Variants in CDH13 observed in about 807,000 individuals in gnomAD.
The protein encoded by CDH13 is cadherin-13.
A neutral mutation model predicts 63.8 loss-of-function variants in CDH13; 24 were observed. The observed-to-expected ratio is 0.38, with a 90% CI of 0.27 to 0.53. The LOEUF (loss-of-function observed/expected upper bound fraction) is 0.53. Ranked by LOEUF, CDH13 falls within the 20% of genes least tolerant of loss-of-function variation. CDH13 has a pLI of 0.85. For missense variants in CDH13, 1,049 were observed against 903.1 expected (o/e 1.16, Z -2.07); for synonymous variants, 503 against 355.3 (o/e 1.42, Z -4.67).
At chr16:82,876,063 A>G (rs2040493132) in intron 2 of CDH13, among the ~76,000 whole-genome samples, 1 of 152,238 alleles carries the variant, frequency 6.6e-6, no homozygotes. Flanking sequence ...CATGAGACTC[A>G]TTCACTATCA....
At chr16:83,631,312 G>T (rs753567839) in intron 8 of CDH13, among the ~76,000 whole-genome samples, 1 of 152,010 alleles carries the variant, frequency 6.6e-6, no homozygotes, top group Non-Finnish European at 1.5e-5. Context: ...GTCCATAAAT[G>T]CTTCTTGGGT....
chr16:82,657,904 G>C (rs1019281701), intron 1 of CDH13, among the ~76,000 whole-genome samples: 6 of 152,040 alleles, frequency 3.9e-5, no homozygotes, highest in African/African-American at 1.4e-4. Flanking sequence ...CTATACCTTT[G>C]TTTTCTTTTC....
intron 4 of CDH13, among the ~76,000 whole-genome samples, chr16:83,129,247 A>C (rs16959300): frequency 0.048 from 7,316 of 152,194 alleles, 578 homozygotes; most frequent in African/African-American, 0.16. Flanking sequence ...AAAAATGTCT[A>C]AGTCAGGACA....
intron 6 of CDH13, among the ~76,000 whole-genome samples, chr16:83,383,542 CAAGG>C (rs1410275031): frequency 1.3e-5 from 2 of 152,154 alleles, no homozygotes; most frequent in Non-Finnish European, 2.9e-5. Context: ...CATTCTACTG[CAAGG>C]AAGACTGTTT....
chr16:82,655,785 C>T (rs983087943), intron 1 of CDH13, among the ~76,000 whole-genome samples: 2 of 152,180 alleles, frequency 1.3e-5, no homozygotes, highest in African/African-American at 4.8e-5. Flanking sequence ...CCCTTATTAT[C>T]ATTCTTTCCC....
chr16:83,104,998 T>C lies in CDH13; in HGVS notation c.367-20387T>C, dbSNP rs565701860. ...GTGCCATTCTTTTTTCTCTCTCTCT[T>C]TTGGCATTCCTTTTTTTAACTTTTA... On this transcript the variant is annotated intron_variant, in intron 3 of 13. Transcript: ENST00000567109. Among the ~76,000 whole-genome samples the C allele has an allele frequency of 1.6e-4, 24 of 152,324 alleles. No individual in the cohort carries two copies. In the South Asian group the frequency reaches 3.7e-3, roughly 24 times the overall value.
intron 2 of CDH13, among the ~76,000 whole-genome samples, chr16:82,925,368 C>G (rs1403744976): frequency 2.6e-5 from 4 of 152,168 alleles, no homozygotes; most frequent in African/African-American, 9.7e-5. Context: ...GTTGCCAGTC[C>G]CACCCACTGA....
At chr16:83,034,556 G>T (rs1215007091) in intron 3 of CDH13, among the ~76,000 whole-genome samples, 1 of 152,152 alleles carries the variant, frequency 6.6e-6, no homozygotes, top group Non-Finnish European at 1.5e-5. Context: ...AAGCAACAAA[G>T]TTGCCAGGAT....
Position 83,529,191 on chromosome 16 carries a change from A to C in CDH13, c.960+42536A>C, listed in dbSNP as rs145937405. 2.0e-5 allele frequency among the ~76,000 whole-genome samples: 3 copies of C among 151,830 alleles called. No homozygotes were observed. The East Asian group carries it at 5.8e-4, about 29-fold the overall frequency. On this transcript the variant is annotated intron_variant, in intron 7 of 13. Coordinates refer to ENST00000567109, the MANE Select transcript of CDH13 (RefSeq NM_001257.5). ...GGCATCTCTGAAGTACAAGCAGTACATAGTATTTATGGTTGGAGGTCAGAC... is the reference window on the plus strand; with the variant it reads ...GGCATCTCTGAAGTACAAGCAGTACCTAGTATTTATGGTTGGAGGTCAGAC...
intron 1 of CDH13, among the ~76,000 whole-genome samples, chr16:82,698,732 G>A (rs2030636544): frequency 6.6e-6 from 1 of 152,132 alleles, no homozygotes; most frequent in Non-Finnish European, 1.5e-5. Flanking sequence ...GGCACAGGGG[G>A]GCGTGAAGAA....
intron 2 of CDH13, among the ~76,000 whole-genome samples, chr16:83,013,809 G>A (rs1243446203): frequency 6.6e-6 from 1 of 152,144 alleles, no homozygotes; most frequent in African/African-American, 2.4e-5. Flanking sequence ...CCCGGTCTCT[G>A]CAAGAATGGA....
chr16:82,981,858 T>G (rs1395791347), intron 2 of CDH13, among the ~76,000 whole-genome samples: 2 of 152,180 alleles, frequency 1.3e-5, no homozygotes, highest in Non-Finnish European at 2.9e-5. Context: ...TCACAGTGTA[T>G]GCTTCTCAAT....
intron 1 of CDH13, among the ~76,000 whole-genome samples, chr16:82,802,347 A>T (rs2036905875): frequency 6.6e-6 from 1 of 152,198 alleles, no homozygotes. Context: ...GTCGACCCTG[A>T]TGAAGCTGGT....
intron 10 of CDH13, chr16:83,710,475 C>T (rs1362192665): frequency 1.3e-5 from 2 of 152,064 alleles, no homozygotes; most frequent in Non-Finnish European, 1.5e-5. Flanking sequence ...GCATGCTGGC[C>T]TTCTGCATTC....
chr16:82,706,790 C>T (rs56030448), intron 1 of CDH13, among the ~76,000 whole-genome samples: 5 of 151,246 alleles, frequency 3.3e-5, no homozygotes, highest in African/African-American at 4.9e-5. Context: ...GGTGACAGAG[C>T]GAGACTCTGT....
At chr16:83,552,225 G>A (rs116202341) in intron 7 of CDH13, among the ~76,000 whole-genome samples, 366 of 152,308 alleles carry the variant, frequency 2.4e-3, no homozygotes, top group African/African-American at 7.7e-3. Flanking sequence ...CTAGTTGGGC[G>A]TATTCTCTTG....
rs577963042 is a variant in CDH13 at position 83,449,054 on chromosome 16, C to T, written c.782-37423C>T. Among the ~76,000 whole-genome samples the T allele has an allele frequency of 3.3e-5, 5 of 152,256 alleles. No homozygotes were observed. In the South Asian group the frequency reaches 1.0e-3, roughly 32 times the overall value. On this transcript the variant is annotated intron_variant, in intron 6 of 13. Transcript: ENST00000567109. ...GGGAGACCTGGGCTAGTTTTAGACT[C>T]GAGAATAGATCAAGGGCAATGTGTG... is the stretch of plus-strand genomic sequence containing the variant.
chr16:82,663,873 T>C (rs1376472324), intron 1 of CDH13, among the ~76,000 whole-genome samples: 1 of 152,200 alleles, frequency 6.6e-6, no homozygotes. Context: ...GCGTGGGCTT[T>C]CTTCTTGCTC....
intron 2 of CDH13, among the ~76,000 whole-genome samples, 198 bp from the exon 3 acceptor site, chr16:83,031,812 G>A (rs1225954698): frequency 6.6e-6 from 1 of 152,180 alleles, no homozygotes; most frequent in Non-Finnish European, 1.5e-5. Context: ...AGTTCGTCAA[G>A]GACATGTCTT....
Sources: gnomAD v4.1 joint callset for allele counts (sites outside exome capture counted in the v4.1 genomes callset) on GRCh38, gnomAD v4.1.1 for gene constraint, MANE v1.5 for transcripts, NCBI Gene and HGNC (gene_info 2026-07-23, HGNC 2026-07-21) for gene names.